Variants in STK39 observed in about 807,000 individuals in gnomAD.
STK39 encodes STE20/SPS1-related proline-alanine-rich protein kinase.
In STK39, 20 loss-of-function variants were observed where a neutral mutation model predicts 77.8. The observed-to-expected ratio is 0.26, with a 90% CI of 0.18 to 0.37. The LOEUF (loss-of-function observed/expected upper bound fraction) is 0.37. Ranked by LOEUF, STK39 falls within the 10% of genes least tolerant of loss-of-function variation. The pLI is 1.00. For synonymous variants in STK39, 246 were observed against 234.1 expected (o/e 1.05, Z -0.47); for missense variants, 479 against 656.5 (o/e 0.73, Z 2.95).
In STK39 at chr2:168,155,645, G is replaced by A. The variant is rs549288208; in HGVS notation, c.628+6142C>T. On this transcript the variant is annotated intron_variant, in intron 5 of 17. Coordinates refer to ENST00000355999, the MANE Select transcript of STK39 (RefSeq NM_013233.3). ...AGTTGCCTCTTCATTCATGTTCTCTGCTTCACTCTTCCTTAACTTTAGCCT... is the reference window on the plus strand; with the variant it reads ...AGTTGCCTCTTCATTCATGTTCTCTACTTCACTCTTCCTTAACTTTAGCCT... Among the ~76,000 whole-genome samples the A allele has an allele frequency of 7.3e-5, 11 of 151,332 alleles. 2 individuals are homozygous for A. The highest frequency in any genetic ancestry group is 2.7e-4 in the African/African-American group (11 of 41,268).
At chr2:167,981,492 G>A (rs1232981694) in intron 16 of STK39, among the ~76,000 whole-genome samples, 1 of 152,142 alleles carries the variant, frequency 6.6e-6, no homozygotes, top group African/African-American at 2.4e-5. Flanking sequence ...ATGTTTAAAG[G>A]GAACTTTTTG....
chr2:168,213,771 T>A (rs1230035859), intron 1 of STK39, among the ~76,000 whole-genome samples: 1 of 151,568 alleles, frequency 6.6e-6, no homozygotes, highest in African/African-American at 2.4e-5. Context: ...TTGGGGGGAA[T>A]GTTTATATGT....
intron 14 of STK39, among the ~76,000 whole-genome samples, chr2:168,053,260 T>C (rs941720750): frequency 6.6e-6 from 1 of 152,202 alleles, no homozygotes; most frequent in East Asian, 1.9e-4. Flanking sequence ...TTAAAAAGGA[T>C]TCTATAGATT....
At chr2:168,045,248 C>T (rs548481033) in intron 14 of STK39, among the ~76,000 whole-genome samples, 1 of 152,248 alleles carries the variant, frequency 6.6e-6, no homozygotes, top group Non-Finnish European at 1.5e-5. Context: ...TCCTCCCACA[C>T]CCTGGGTGTT....
At chr2:168,145,652 G>A (rs1360658933) in intron 5 of STK39, among the ~76,000 whole-genome samples, 1 of 152,164 alleles carries the variant, frequency 6.6e-6, no homozygotes, top group Non-Finnish European at 1.5e-5. Flanking sequence ...CCAACTGTGT[G>A]GTTATGATGT....
Position 168,182,094 on chromosome 2 carries a change from C to T in STK39, c.209-4G>A. On this transcript the variant is annotated splice_polypyrimidine_tract_variant and splice_region_variant and intron_variant, in intron 1 of 17. Transcript: ENST00000355999. ...ACCACAGCAGTAGCTCCACTGCCTG[C>T]AATGAAATAAAAACAACATCAGCGA... 3.7e-6 allele frequency: 6 copies of T among 1,612,146 alleles called. No individual in the cohort carries two copies. Among genetic ancestry groups the T allele is most frequent in the Non-Finnish European group, 5.1e-6 (6 of 1,178,372 alleles).
intron 8 of STK39, among the ~76,000 whole-genome samples, chr2:168,136,377 AAAAAAAG>A (rs201373892): frequency 1.2e-3 from 171 of 147,436 alleles, no homozygotes; most frequent in East Asian, 7.2e-3. Context: ...CAAAAAAAAA[AAAAAAAG>A]AAAAGAAATA....
chr2:168,172,405 A>G lies in STK39; in HGVS notation c.322-4998T>C, dbSNP rs1297394275. Among the ~76,000 whole-genome samples the G allele has an allele frequency of 2.0e-5, 3 of 152,250 alleles. No homozygotes were observed. In the East Asian group the frequency reaches 5.8e-4, roughly 29 times the overall value. On this transcript the variant is annotated intron_variant, in intron 2 of 17. Transcript: ENST00000355999. ...TTGGTCATGAATTTTTAACCTCTAC[A>G]TTGTCTCAACCCATGTTTTTCCTAA...
At chr2:168,165,065 GA>G (rs1020521953) in intron 3 of STK39, among the ~76,000 whole-genome samples, 2 of 149,862 alleles carry the variant, frequency 1.3e-5, no homozygotes, top group South Asian at 2.1e-4. Context: ...TTCCCCAGAG[GA>G]AAAAAAAACC....
At chr2:168,202,406 A>G (rs1415218402) in intron 1 of STK39, among the ~76,000 whole-genome samples, 1 of 152,054 alleles carries the variant, frequency 6.6e-6, no homozygotes, top group African/African-American at 2.4e-5. Flanking sequence ...TTCACTTTAT[A>G]CTCCTGACAA....
intron 1 of STK39, among the ~76,000 whole-genome samples, chr2:168,190,694 T>C (rs766913189): frequency 6.6e-6 from 1 of 152,208 alleles, no homozygotes; most frequent in Non-Finnish European, 1.5e-5. Context: ...GAAATCCATG[T>C]CAGGGAACAC....
At chr2:168,113,586 C>G (rs1488915233) in intron 10 of STK39, among the ~76,000 whole-genome samples, 1 of 152,208 alleles carries the variant, frequency 6.6e-6, no homozygotes, top group African/African-American at 2.4e-5. Context: ...TATATAATCA[C>G]ATGGCAGGAC....
intron 14 of STK39, among the ~76,000 whole-genome samples, chr2:168,051,490 C>CAAT (rs1685393498): frequency 6.6e-6 from 1 of 152,158 alleles, no homozygotes; most frequent in Admixed American, 6.5e-5. Context: ...GAGAAAGAAG[C>CAAT]AATAGTTCAC....
At chr2:168,224,615 C>T (rs1033952130) in intron 1 of STK39, among the ~76,000 whole-genome samples, 2 of 152,204 alleles carry the variant, frequency 1.3e-5, no homozygotes, top group African/African-American at 4.8e-5. Context: ...TTAAATTACA[C>T]ATGTCCTTAA....
chr2:168,227,604 A>G (rs775904285), intron 1 of STK39, among the ~76,000 whole-genome samples: 2 of 152,208 alleles, frequency 1.3e-5, no homozygotes, highest in Non-Finnish European at 2.9e-5. Flanking sequence ...ACACATCCAC[A>G]AACAGTAAGA....
intron 1 of STK39, among the ~76,000 whole-genome samples, chr2:168,236,561 C>A (rs1378099526): frequency 6.6e-6 from 1 of 150,954 alleles, no homozygotes; most frequent in Non-Finnish European, 1.5e-5. Flanking sequence ...CCTAGGTTTT[C>A]TTCTAGGGTT....
Position 168,138,068 on chromosome 2 carries a change from A to G in STK39, c.974+20T>C, listed in dbSNP as rs951345708. 1 of 1,611,670 alleles carries G rather than the reference A, an allele frequency of 6.2e-7. No homozygotes were observed. Among genetic ancestry groups the G allele is most frequent in the Admixed American group, 1.7e-5 (1 of 59,940 alleles). ...ATGGCTCAAACCAGGTCATTAACTC[A>G]TCCACTAAGTTTCACTTACCTTTTG... On this transcript the variant is annotated intron_variant, in intron 8 of 17. Coordinates refer to ENST00000355999, the MANE Select transcript of STK39 (RefSeq NM_013233.3).
intron 5 of STK39, among the ~76,000 whole-genome samples, chr2:168,161,211 G>A (rs1321917048): frequency 3.9e-5 from 6 of 152,090 alleles, no homozygotes; most frequent in Non-Finnish European, 7.4e-5. Context: ...GGCCTTTAAG[G>A]TTACTCTAGG....
chr2:168,040,740 T>C (rs901743840), intron 14 of STK39, among the ~76,000 whole-genome samples: 1 of 152,234 alleles, frequency 6.6e-6, no homozygotes, highest in Admixed American at 6.5e-5. Context: ...AATGTTTATA[T>C]TTCTGAAACC....
Sources: allele counts gnomAD v4.1 joint callset (sites outside exome capture counted in the v4.1 genomes callset), GRCh38; gene constraint gnomAD v4.1.1; transcripts MANE v1.5; gene names NCBI Gene and HGNC (gene_info 2026-07-23, HGNC 2026-07-21).